CNBD1: variants seen among roughly 807,000 people sequenced by gnomAD.
CNBD1 encodes cyclic nucleotide binding domain containing 1.
In CNBD1, 71 loss-of-function variants were observed where a neutral mutation model predicts 54.4. The observed-to-expected ratio is 1.30, with a 90% CI of 1.08 to 1.59. CNBD1 has a LOEUF of 1.59. Ranked by LOEUF, CNBD1 falls within the 40% of genes most tolerant of loss-of-function variation. The probability of loss-of-function intolerance (pLI) is 0.00; values close to 1 mark genes in which losing one functional copy is unlikely to be tolerated. For missense variants in CNBD1, 659 were observed against 518.0 expected (o/e 1.27, Z -2.64); for synonymous variants, 182 against 170.7 (o/e 1.07, Z -0.51).
At chr8:87,338,815 C>T (rs1041437022) in intron 8 of CNBD1, among the ~76,000 whole-genome samples, 2 of 151,786 alleles carry the variant, frequency 1.3e-5, no homozygotes, top group Admixed American at 6.6e-5. Flanking sequence ...TTCTTTGTAG[C>T]CTGACATGAT....
At position 87,087,264 on chromosome 8, in the gene CNBD1, TATATATATACGTATATATATATATA is replaced by T. The variant is rs1563463355; in HGVS notation, c.432-118728_432-118704del. ...ATATATACGTATATATATATATACA[TATATATATACGTATATATATATATA>T]TATTTTTTATTGCCCAATACATATA... is the stretch of plus-strand genomic sequence containing the variant. On this transcript the variant is annotated intron_variant, in intron 4 of 10. Coordinates refer to ENST00000518476, the MANE Select transcript of CNBD1 (RefSeq NM_173538.3). Among the ~76,000 whole-genome samples the T allele has an allele frequency of 2.7e-3, 390 of 144,384 alleles. 2 individuals are homozygous for T. The highest frequency in any genetic ancestry group is 9.1e-3 in the African/African-American group (358 of 39,516). The allele number at this position is 144,384 out of a possible 152,430, so 94.7% of individuals were successfully genotyped here.
chr8:87,399,806 G>A (rs534534068), intron 2 of CNBD1, among the ~76,000 whole-genome samples: 3 of 151,958 alleles, frequency 2.0e-5, no homozygotes, highest in African/African-American at 7.2e-5. Flanking sequence ...TAACTCAACT[G>A]GTGAAAAAGT....
At position 87,388,551 on chromosome 8, in the gene CNBD1, G is replaced by A. The variant is rs1811239530; in HGVS notation, c.213+34765G>A. On this transcript the variant is annotated intron_variant, in intron 2 of 7. Transcript: ENST00000521593. ...ATACACACTCCCAAGACTAAACCAG[G>A]AAGAAGCTGAATCTCTGAGTAGACC... Among the ~76,000 whole-genome samples, 4 of 152,238 alleles carry A rather than the reference G, an allele frequency of 2.6e-5. No homozygotes were observed. In the South Asian group the frequency reaches 8.3e-4, roughly 32 times the overall value.
intron 4 of CNBD1, among the ~76,000 whole-genome samples, chr8:86,992,164 T>A (rs1355791777): frequency 6.6e-6 from 1 of 152,148 alleles, no homozygotes; most frequent in Admixed American, 6.5e-5. Flanking sequence ...AGGTCAAGGA[T>A]AACTTGTTTT....
chr8:87,278,122 A>G (rs1731255312), intron 6 of CNBD1, among the ~76,000 whole-genome samples: 1 of 151,606 alleles, frequency 6.6e-6, no homozygotes, highest in South Asian at 2.1e-4. Context: ...TGATTAGTAG[A>G]ACATGTCATA....
chr8:87,086,817 T>C, intron 4 of CNBD1, among the ~76,000 whole-genome samples: 1 of 152,296 alleles, frequency 6.6e-6, no homozygotes, highest in East Asian at 1.9e-4. Context: ...TGAGTAATCC[T>C]TAAGGGATGG....
At chr8:87,391,505 A>T (rs1410818125) in intron 2 of CNBD1, among the ~76,000 whole-genome samples, 1 of 152,164 alleles carries the variant, frequency 6.6e-6, no homozygotes, top group Non-Finnish European at 1.5e-5. Flanking sequence ...AGACATGTGT[A>T]ACAATGGAAT....
chr8:87,266,273 G>T (rs1050517790), intron 6 of CNBD1, among the ~76,000 whole-genome samples: 2 of 151,364 alleles, frequency 1.3e-5, no homozygotes, highest in Non-Finnish European at 2.9e-5. Flanking sequence ...GAATACACTA[G>T]ATATCCCTAA....
intron 10 of CNBD1, among the ~76,000 whole-genome samples, chr8:87,363,904 G>A (rs1810578488): frequency 6.7e-6 from 1 of 150,324 alleles, no homozygotes. Context: ...ATTGCTTTTG[G>A]TGTTTTATTC....
intron 4 of CNBD1, among the ~76,000 whole-genome samples, chr8:87,117,569 T>A (rs1196790045): frequency 6.6e-6 from 1 of 152,172 alleles, no homozygotes; most frequent in East Asian, 1.9e-4. Context: ...CAAGCATGAC[T>A]GATCAGTTTC....
At chr8:87,344,466 A>G (rs141570760) in intron 8 of CNBD1, among the ~76,000 whole-genome samples, 225 of 152,266 alleles carry the variant, frequency 1.5e-3, no homozygotes, top group African/African-American at 5.0e-3. Context: ...ACTGTTATTT[A>G]CTGTCACTAT....
chr8:87,178,527 A>G (rs1813245829), intron 4 of CNBD1, among the ~76,000 whole-genome samples: 1 of 152,220 alleles, frequency 6.6e-6, no homozygotes, highest in African/African-American at 2.4e-5. Context: ...AAAGCTTTAG[A>G]TGCAGTCGGA....
intron 2 of CNBD1, among the ~76,000 whole-genome samples, chr8:87,419,219 TAACATGTCTAGAATAGGCA>T (rs988051977): frequency 1.8e-4 from 28 of 152,016 alleles, no homozygotes; most frequent in Admixed American, 4.6e-4. Context: ...TGCATTTGTG[TAACATGTCTAGAATAGGCA>T]AACATGTCTA....
intron 4 of CNBD1, among the ~76,000 whole-genome samples, chr8:87,152,577 C>T (rs1037499521): frequency 2.0e-5 from 3 of 151,974 alleles, no homozygotes; most frequent in African/African-American, 7.3e-5. Flanking sequence ...GGTATCGAAC[C>T]AACCTTATAT....
intron 2 of CNBD1, among the ~76,000 whole-genome samples, chr8:87,399,885 C>T (rs983736573): frequency 1.3e-5 from 2 of 151,936 alleles, no homozygotes; most frequent in African/African-American, 2.4e-5. Context: ...TAATTATTTA[C>T]ATCAGATCTT....
chr8:87,253,691 A>T (rs1265970822), intron 6 of CNBD1, among the ~76,000 whole-genome samples: 1 of 152,202 alleles, frequency 6.6e-6, no homozygotes, highest in South Asian at 2.1e-4. Flanking sequence ...ATAGATTGAC[A>T]AACTAGAACT....
chr8:87,424,657 C>T (rs894918066), intron 2 of CNBD1, among the ~76,000 whole-genome samples: 3 of 152,108 alleles, frequency 2.0e-5, no homozygotes, highest in Admixed American at 2.0e-4. Context: ...CAGAAGCTCT[C>T]TTCTGGCTTG....
chr8:87,336,402 C>G (rs748420296), intron 8 of CNBD1, among the ~76,000 whole-genome samples: 1 of 151,958 alleles, frequency 6.6e-6, no homozygotes, highest in Non-Finnish European at 1.5e-5. Flanking sequence ...TTCCTTTTCC[C>G]CTTTTTTCCT....
chr8:87,381,458 A>G (rs939184533), intron 10 of CNBD1, among the ~76,000 whole-genome samples: 3 of 152,006 alleles, frequency 2.0e-5, no homozygotes, highest in African/African-American at 7.2e-5. Flanking sequence ...GCCACTATGG[A>G]AAACAGAATG....
Sources: allele counts gnomAD v4.1 joint callset (sites outside exome capture counted in the v4.1 genomes callset), GRCh38; gene constraint gnomAD v4.1.1; transcripts MANE v1.5; gene names NCBI Gene and HGNC (gene_info 2026-07-23, HGNC 2026-07-21).